The following KCNN2 variants were observed in gnomAD, a reference collection of about 807,000 sequenced individuals.
KCNN2 encodes the protein small conductance calcium-activated potassium channel protein 2.
Under a neutral mutation model 55.5 loss-of-function variants are expected in KCNN2, and 24 were observed. The observed-to-expected ratio is 0.43, with a 90% CI of 0.31 to 0.61. The LOEUF is 0.61. KCNN2 is among the 20% of genes least tolerant of loss of function. The pLI, the probability that KCNN2 is intolerant of heterozygous loss-of-function variation, is 0.08. For missense variants in KCNN2, 754 were observed against 853.6 expected (o/e 0.88, Z 1.45); for synonymous variants, 431 against 336.1 (o/e 1.28, Z -3.09).
intron 1 of KCNN2, among the ~76,000 whole-genome samples, chr5:114,156,501 T>A (rs1752638512): frequency 6.6e-6 from 1 of 152,162 alleles, no homozygotes; most frequent in African/African-American, 2.4e-5. Context: ...ATATTTATTC[T>A]TCCTATCCAT....
intron 1 of KCNN2, among the ~76,000 whole-genome samples, chr5:114,106,507 C>T (rs542600303): frequency 7.3e-5 from 11 of 151,476 alleles, no homozygotes; most frequent in South Asian, 6.3e-4. Flanking sequence ...ATAGTTGCTC[C>T]GCATTCTCAC....
intron 1 of KCNN2, among the ~76,000 whole-genome samples, chr5:114,059,352 G>A (rs1313469293): frequency 6.6e-6 from 1 of 152,184 alleles, no homozygotes; most frequent in Admixed American, 6.5e-5. Flanking sequence ...AAGTACAAAT[G>A]TCAGATAGTG....
intron 2 of KCNN2, among the ~76,000 whole-genome samples, chr5:114,370,453 TTAA>T (rs1002157117): frequency 2.6e-5 from 4 of 151,916 alleles, no homozygotes; most frequent in Non-Finnish European, 4.4e-5. Flanking sequence ...AGACAAAAAA[TTAA>T]TAATAAACAA....
chr5:114,238,754 A>G (rs916670189), intron 2 of KCNN2, among the ~76,000 whole-genome samples: 21 of 152,148 alleles, frequency 1.4e-4, no homozygotes, highest in African/African-American at 4.8e-4. Flanking sequence ...AATTCCACTA[A>G]CCTATGTCCT....
At chr5:114,247,146 A>AAATAAT (rs1179142530) in intron 2 of KCNN2, among the ~76,000 whole-genome samples, 3 of 149,320 alleles carry the variant, frequency 2.0e-5, no homozygotes, top group Non-Finnish European at 4.4e-5. Context: ...TCTACTAGAA[A>AAATAAT]AATAATAATA....
intron 1 of KCNN2, among the ~76,000 whole-genome samples, chr5:114,179,058 G>T (rs1215334515): frequency 1.3e-5 from 2 of 152,166 alleles, no homozygotes; most frequent in Non-Finnish European, 2.9e-5. Context: ...TTGGGGAACT[G>T]TATTAGTTAC....
chr5:114,268,882 G>A (rs4705652), intron 2 of KCNN2, among the ~76,000 whole-genome samples: 132,322 of 151,854 alleles, frequency 0.87, 57,826 homozygotes, highest in African/African-American at 0.89. Context: ...TCAGGCAGCA[G>A]GAACAAAACA....
chr5:114,468,766 G>A (rs1761569773), intron 4 of KCNN2, among the ~76,000 whole-genome samples: 1 of 152,084 alleles, frequency 6.6e-6, no homozygotes, highest in Non-Finnish European at 1.5e-5. Context: ...TTTCACAGTT[G>A]AAATAATCAA....
intron 2 of KCNN2, among the ~76,000 whole-genome samples, chr5:114,391,681 A>G (rs1561603467): frequency 6.6e-6 from 1 of 152,318 alleles, no homozygotes; most frequent in Non-Finnish European, 1.5e-5. Context: ...CTCTCTCCAT[A>G]AAGTGTTTTA....
intron 1 of KCNN2, among the ~76,000 whole-genome samples, chr5:114,140,321 C>T (rs1752250996): frequency 1.3e-5 from 2 of 152,208 alleles, no homozygotes; most frequent in African/African-American, 4.8e-5. Context: ...TACTGGCCTG[C>T]CAGCCTCTGA....
At chr5:114,488,430 T>C (rs1206402569) in intron 6 of KCNN2, among the ~76,000 whole-genome samples, 1 of 152,112 alleles carries the variant, frequency 6.6e-6, no homozygotes, top group East Asian at 1.9e-4. Context: ...AAACACAAGG[T>C]TAGAGTTTTC....
At chr5:114,277,384 G>A (rs1283873144) in intron 2 of KCNN2, among the ~76,000 whole-genome samples, 1 of 152,174 alleles carries the variant, frequency 6.6e-6, no homozygotes, top group Non-Finnish European at 1.5e-5. Context: ...ATGTTGGCCT[G>A]CCTTGCTAGG....
At position 114,207,032 on chromosome 5, in the gene KCNN2, C is replaced by A. The variant is rs145399442; in HGVS notation, c.-270-14448C>A. On this transcript the variant is annotated intron_variant, in intron 1 of 10. Coordinates refer to the KCNN2 transcript ENST00000512097. The stretch of plus-strand genomic sequence containing the variant: ...TTAGTGTATATTTAGAACACTCTTT[C>A]TTTTTATAGACTCTTTATTCAACAT... 8.3e-3 allele frequency among the ~76,000 whole-genome samples: 1,262 copies of A among 152,286 alleles called. 6 individuals carry two copies. Among genetic ancestry groups the A allele is most frequent in the Non-Finnish European group, 0.013 (860 of 68,028 alleles).
At chr5:114,078,792 T>A (rs1224211543) in intron 1 of KCNN2, among the ~76,000 whole-genome samples, 1 of 152,116 alleles carries the variant, frequency 6.6e-6, no homozygotes, top group East Asian at 1.9e-4. Flanking sequence ...TAGAATTAGA[T>A]CATACTGCCA....
chr5:114,450,464 G>A (rs1001427331), intron 3 of KCNN2, among the ~76,000 whole-genome samples: 4 of 152,172 alleles, frequency 2.6e-5, no homozygotes, highest in Non-Finnish European at 5.9e-5. Flanking sequence ...AGGAACAGGA[G>A]GAAAGAGAAA....
chr5:114,140,571 G>C (rs191777948), intron 1 of KCNN2, among the ~76,000 whole-genome samples: 2 of 152,090 alleles, frequency 1.3e-5, no homozygotes, highest in East Asian at 3.9e-4. Context: ...GTTTGAGAAG[G>C]AAAATAACTG....
intron 1 of KCNN2, among the ~76,000 whole-genome samples, chr5:114,198,868 T>C (rs1292559240): frequency 6.6e-6 from 1 of 152,104 alleles, no homozygotes; most frequent in Non-Finnish European, 1.5e-5. Context: ...TCTTGAAAAA[T>C]GTTCCATGTG....
chr5:114,289,369 CT>C (rs80026839), intron 2 of KCNN2, among the ~76,000 whole-genome samples: 39,569 of 131,848 alleles, frequency 0.3, 5,203 homozygotes, highest in Non-Finnish European at 0.37. Context: ...TTAGAATCAA[CT>C]TTTTTTTTTT....
chr5:114,090,946 G>T (rs998605713), intron 1 of KCNN2, among the ~76,000 whole-genome samples: 2 of 152,024 alleles, frequency 1.3e-5, no homozygotes, highest in African/African-American at 4.8e-5. Flanking sequence ...CAAGTGATCT[G>T]CCCACCTCAG....
Sources: allele counts gnomAD v4.1 joint callset (sites outside exome capture counted in the v4.1 genomes callset), GRCh38; gene constraint gnomAD v4.1.1; transcripts MANE v1.5; gene names NCBI Gene and HGNC (gene_info 2026-07-23, HGNC 2026-07-21).